Variants in PAX7 observed in about 807,000 individuals in gnomAD.
The protein encoded by PAX7 is paired box protein Pax-7.
A neutral mutation model predicts 50.7 loss-of-function variants in PAX7; 18 were observed. The ratio of observed to expected loss-of-function variants is 0.36; its 90% CI spans 0.25 to 0.53. The LOEUF (loss-of-function observed/expected upper bound fraction) is 0.53. PAX7 is among the 20% of genes least tolerant of loss of function. The probability of loss-of-function intolerance (pLI) is 0.93; values close to 1 mark genes in which losing one functional copy is unlikely to be tolerated. For synonymous variants in PAX7, 310 were observed against 290.4 expected (o/e 1.07, Z -0.69); for missense variants, 644 against 702.9 (o/e 0.92, Z 0.95).
intron 4 of PAX7, among the ~76,000 whole-genome samples, chr1:18,637,158 G>T (rs1377003819): frequency 1.3e-5 from 2 of 152,172 alleles, no homozygotes; most frequent in African/African-American, 2.4e-5. Flanking sequence ...TAAGGAGGGC[G>T]TTTAGTTTTC....
In PAX7 at chr1:18,634,979, T is replaced by G. The variant is rs1173160626; in HGVS notation, c.322-132T>G. 16 of 1,164,966 alleles carry G rather than the reference T, an allele frequency of 1.4e-5. No homozygotes were observed. In the East Asian group the frequency reaches 4.0e-4, roughly 29 times the overall value. The allele number at this position is 1,164,966 out of a possible 1,614,324, so 72.2% of individuals were successfully genotyped here. ...TTCTTGAAAGGATAAAGCCAATCTCTTGGGGGATGGGGGGACACAAGGTAA... is the reference window on the plus strand; with the variant it reads ...TTCTTGAAAGGATAAAGCCAATCTCGTGGGGGATGGGGGGACACAAGGTAA... On this transcript the variant is annotated intron_variant, in intron 2 of 8. Coordinates refer to ENST00000420770, the MANE Select transcript of PAX7 (RefSeq NM_001135254.2). This position sits in a 1 kb window ranked among gnomAD's most constrained non-coding sequence, Gnocchi z 4.0.
rs1163435485 is a variant in PAX7, at chr1:18,636,464, C to A, written c.586+93C>A. The A allele has an allele frequency of 4.9e-6, 7 of 1,432,934 alleles. No individual in the cohort carries two copies. Among genetic ancestry groups the A allele is most frequent in the Non-Finnish European group, 6.7e-6 (7 of 1,050,522 alleles). The allele number at this position is 1,432,934 out of a possible 1,614,324, so 88.8% of individuals were successfully genotyped here. A position where few individuals can be genotyped will look rare whatever the true frequency, so the allele number is the denominator to read the frequency against. Reference sequence around the variant, plus strand: ...GGTTCGCTCCCGCCGCCGGAGCAGGCGACCAGAACTCCAGCGGAGAAACTC... The same window carrying A: ...GGTTCGCTCCCGCCGCCGGAGCAGGAGACCAGAACTCCAGCGGAGAAACTC... On this transcript the variant is annotated intron_variant, in intron 4 of 8. Transcript: ENST00000420770. The surrounding 1 kb of genome is among the most constrained non-coding windows in gnomAD (Gnocchi z 5.1).
rs149900315 is a variant in PAX7, at chr1:18,722,007, T to C, written c.1156-13625T>C. 1.1e-3 allele frequency among the ~76,000 whole-genome samples: 172 copies of C among 152,350 alleles called. 2 individuals are homozygous for C. The East Asian group carries it at 0.015, about 13-fold the overall frequency. On this transcript the variant is annotated intron_variant, in intron 7 of 8. Coordinates refer to ENST00000420770, the MANE Select transcript of PAX7 (RefSeq NM_001135254.2). ...TTGGGCAAGTCACTTGACCTCTCTG[T>C]GCCTCCATTTGCTCATCTATCAAAT...
rs117307885 is a variant in PAX7, at chr1:18,636,838, A to G, written c.586+467A>G. On this transcript the variant is annotated intron_variant, in intron 4 of 8. Coordinates refer to ENST00000420770, the MANE Select transcript of PAX7 (RefSeq NM_001135254.2). The surrounding 1 kb of genome is among the most constrained non-coding windows in gnomAD (Gnocchi z 5.1). ...ATGAATTTGTTAACCAGACCCCCAC[A>G]CGCTCTCTAAACGGTCCCTTGAAAC... Among the ~76,000 whole-genome samples, 3,562 of 152,152 alleles carry G rather than the reference A, an allele frequency of 0.023. 96 individuals carry two copies. Among genetic ancestry groups the G allele is most frequent in the East Asian group, 0.14 (697 of 5,148 alleles).
intron 7 of PAX7, among the ~76,000 whole-genome samples, chr1:18,722,143 T>A (rs1442617713): frequency 3.9e-5 from 6 of 152,054 alleles, no homozygotes; most frequent in Admixed American, 2.0e-4. Flanking sequence ...ATTACAGAAA[T>A]ATTAGCTTAG....
intron 4 of PAX7, among the ~76,000 whole-genome samples, chr1:18,665,266 T>G (rs530104962): frequency 2.2e-4 from 34 of 152,346 alleles, no homozygotes; most frequent in African/African-American, 7.7e-4. Context: ...GCACATGACC[T>G]TCACAGGTCT....
chr1:18,642,844 C>G (rs1321239059), intron 4 of PAX7, among the ~76,000 whole-genome samples: 1 of 150,516 alleles, frequency 6.6e-6, no homozygotes, highest in Non-Finnish European at 1.5e-5. Flanking sequence ...AAACTTCAAA[C>G]GAAGTGGGGT....
intron 4 of PAX7, among the ~76,000 whole-genome samples, chr1:18,661,748 C>T (rs1187720770): frequency 2.0e-5 from 3 of 152,230 alleles, no homozygotes; most frequent in African/African-American, 7.2e-5. Flanking sequence ...GCCAACTGGG[C>T]CTGGCCTTTG....
chr1:18,656,135 G>T (rs1168257889), intron 4 of PAX7, among the ~76,000 whole-genome samples: 2 of 152,146 alleles, frequency 1.3e-5, no homozygotes, highest in African/African-American at 4.8e-5. Context: ...AACAATGCCT[G>T]GTGCATTTTA....
At chr1:18,683,159 G>T (rs2088922876) in intron 4 of PAX7, among the ~76,000 whole-genome samples, 1 of 152,162 alleles carries the variant, frequency 6.6e-6, no homozygotes. Flanking sequence ...CCAGAGTAGG[G>T]CTGGGTTGAT....
chr1:18,737,090 C>T (rs1248592463), intron 8 of PAX7, among the ~76,000 whole-genome samples: 2 of 152,258 alleles, frequency 1.3e-5, no homozygotes, highest in African/African-American at 4.8e-5. Context: ...GGCTGGAAAA[C>T]GCAGGCCTGG....
intron 7 of PAX7, 67 bp downstream of exon 7, chr1:18,703,363 G>C: frequency 1.4e-6 from 2 of 1,411,918 alleles, no homozygotes; most frequent in Admixed American, 3.4e-5. Context: ...CAGACAGCAC[G>C]TGGGTGGAAG....
chr1:18,666,532 G>A (rs1481657107), intron 4 of PAX7, among the ~76,000 whole-genome samples: 1 of 152,238 alleles, frequency 6.6e-6, no homozygotes, highest in African/African-American at 2.4e-5. Flanking sequence ...TTTCAGGGGT[G>A]CTAAGGGCCT....
intron 4 of PAX7, among the ~76,000 whole-genome samples, chr1:18,676,674 T>C (rs2088826517): frequency 6.6e-6 from 1 of 152,168 alleles, no homozygotes; most frequent in African/African-American, 2.4e-5. Flanking sequence ...AGGAAGCAGA[T>C]GATCTCAGGG....
At chr1:18,727,110 TCACACATATA>T (rs1410330231) in intron 7 of PAX7, among the ~76,000 whole-genome samples, 2 of 151,762 alleles carry the variant, frequency 1.3e-5, no homozygotes, top group Non-Finnish European at 2.9e-5. Context: ...CATAAAAAAT[TCACACATATA>T]CACACAAATA....
intron 4 of PAX7, among the ~76,000 whole-genome samples, chr1:18,674,979 C>T (rs1468029818): frequency 6.6e-6 from 1 of 152,162 alleles, no homozygotes; most frequent in Non-Finnish European, 1.5e-5. Context: ...CACTTGACAG[C>T]TGGTCTAGAA....
Position 18,733,952 on chromosome 1 carries a change from G to A in PAX7, c.1156-1680G>A, listed in dbSNP as rs74962596. ...TAGCTTTGCCCCACAAATCTCTGTG[G>A]GCTTTTGGGTTGGGAGAGTCAAATG... On this transcript the variant is annotated intron_variant, in intron 7 of 8. Transcript: ENST00000420770. Among the ~76,000 whole-genome samples, 519 of 152,216 alleles carry A rather than the reference G, an allele frequency of 3.4e-3. 2 individuals are homozygous for A. Among genetic ancestry groups the A allele is most frequent in the South Asian group, 0.01 (49 of 4,808 alleles).
At chr1:18,743,556 G>C (rs959423882) in intron 8 of PAX7, among the ~76,000 whole-genome samples, 1 of 152,228 alleles carries the variant, frequency 6.6e-6, no homozygotes, top group African/African-American at 2.4e-5. Flanking sequence ...TCTTCCTCTT[G>C]CTTCTGGATC....
intron 4 of PAX7, among the ~76,000 whole-genome samples, chr1:18,642,877 G>A (rs907129341): frequency 9.2e-5 from 14 of 151,632 alleles, no homozygotes; most frequent in Admixed American, 9.2e-4. Context: ...AGGCGGGGAA[G>A]GAGTCCAGTG....
Sources: gnomAD v4.1 joint callset for allele counts (sites outside exome capture counted in the v4.1 genomes callset) on GRCh38, gnomAD v4.1.1 for gene constraint, Gnocchi (gnomAD v3.1) non-coding constraint, MANE v1.5 for transcripts, NCBI Gene and HGNC (gene_info 2026-07-23, HGNC 2026-07-21) for gene names.